The following AOX1 variants were observed in gnomAD, a reference collection of about 807,000 sequenced individuals.
The protein encoded by AOX1 is aldehyde oxidase 1, also known as aldehyde oxidase.
A neutral mutation model predicts 169.5 loss-of-function variants in AOX1; 153 were observed. The ratio of observed to expected loss-of-function variants is 0.90; its 90% CI spans 0.79 to 1.03. The LOEUF is 1.03. AOX1 is among the 50% of genes least tolerant of loss of function. AOX1 has a pLI of 0.00. For synonymous variants in AOX1, 562 were observed against 581.9 expected, an observed-to-expected ratio of 0.97 and a Z score of 0.49; for missense variants, 1,656 against 1,663.9, an observed-to-expected ratio of 1.00 and a Z score of 0.08.
rs371890542 is a variant in AOX1 at position 200,612,595 on chromosome 2, A to G, written c.1264-14A>G. On this transcript the variant is annotated splice_polypyrimidine_tract_variant and intron_variant, in intron 13 of 34. Transcript: ENST00000374700. ...TCAGTGTTTCTACATGTGCCACTTA[A>G]CTGTTTCTTTCAGTGGGAATTTGTG... is the stretch of plus-strand genomic sequence containing the variant. 6.2e-7 allele frequency: 1 copy of G among 1,611,978 alleles called. No individual in the cohort carries two copies. Among genetic ancestry groups the G allele is most frequent in the Non-Finnish European group, 8.5e-7 (1 of 1,179,272 alleles).
intron 21 of AOX1, 97 bp downstream of exon 21, chr2:200,635,012 T>C (rs1192674834): frequency 6.7e-7 from 1 of 1,486,642 alleles, no homozygotes; most frequent in Admixed American, 1.9e-5. Context: ...TTTGGGAATT[T>C]GAGGTGGGGG....
chr2:200,624,149 A>C (rs983146120), intron 19 of AOX1, among the ~76,000 whole-genome samples, 166 bp downstream of exon 19: 1 of 152,220 alleles, frequency 6.6e-6, no homozygotes, highest in Non-Finnish European at 1.5e-5. Flanking sequence ...CCCCAAGGAC[A>C]TGGCTTCTTT....
rs370670261 is a variant in AOX1 at position 200,612,719 on chromosome 2, G to A, written c.1374G>A (p.Glu458=). The change falls in exon 14 of 35, where the codon GAG becomes GAA. Residue 458 remains glutamate, a synonymous_variant. Coordinates refer to ENST00000374700, the MANE Select transcript of AOX1 (RefSeq NM_001159.4). ...FFGEGDGIIR[E]LCISYGGVGP... ...GAGAAGGGGATGGCATTATTAGAGA[G>A]TTATGCATCTCATATGGAGGCGTTG... 1.5e-4 allele frequency: 236 copies of A among 1,613,938 alleles called. No individual in the cohort carries two copies. Among genetic ancestry groups the A allele is most frequent in the Non-Finnish European group, 1.9e-4 (228 of 1,179,978 alleles).
chr2:200,604,142 A>G (rs1472712764), intron 8 of AOX1, 45 bp downstream of exon 8: 2 of 1,378,650 alleles, frequency 1.5e-6, no homozygotes, highest in East Asian at 4.6e-5. Flanking sequence ...ATTCATGGTG[A>G]AATATCAGGA....
At chr2:200,652,338 G>A (rs1372494707) in intron 26 of AOX1, among the ~76,000 whole-genome samples, 1 of 152,148 alleles carries the variant, frequency 6.6e-6, no homozygotes, top group Non-Finnish European at 1.5e-5. Context: ...TTGCCTGTTT[G>A]TGATGGCAAA....
intron 18 of AOX1, among the ~76,000 whole-genome samples, chr2:200,621,568 C>A (rs1227946487): frequency 1.3e-5 from 2 of 151,940 alleles, no homozygotes; most frequent in Admixed American, 1.3e-4. Context: ...CCCTGAGAAG[C>A]CCTTATTATT....
chr2:200,613,036 G>GAGAGAA (rs2034678600), intron 14 of AOX1, among the ~76,000 whole-genome samples: 1 of 151,568 alleles, frequency 6.6e-6, no homozygotes, highest in African/African-American at 2.4e-5. Context: ...GTGAGAGAGA[G>GAGAGAA]AGAGAGAGAC....
intron 3 of AOX1, among the ~76,000 whole-genome samples, chr2:200,595,963 T>A (rs1308064219): frequency 6.6e-6 from 1 of 152,210 alleles, no homozygotes; most frequent in Non-Finnish European, 1.5e-5. Flanking sequence ...TGTTTATGTT[T>A]GGTATTTATC....
Position 200,637,050 on chromosome 2 carries a change from T to G in AOX1, c.2480+6T>G, listed in dbSNP as rs1421876868. 1.9e-6 allele frequency: 3 copies of G among 1,613,596 alleles called. No homozygotes were observed. Among genetic ancestry groups the G allele is most frequent in the Non-Finnish European group, 2.5e-6 (3 of 1,179,812 alleles). ...ACTGCATTTGCCGCAAACAAGTAAG[T>G]GGAGAAAATCTGCTAAAAATAAAGT... On this transcript the variant is annotated splice_donor_region_variant and intron_variant, in intron 22 of 34. Transcript: ENST00000374700.
At chr2:200,662,796 T>A in intron 30 of AOX1, 59 bp from the exon 31 acceptor site, 4 of 1,357,948 alleles carry the variant, frequency 2.9e-6, no homozygotes, top group Non-Finnish European at 4.2e-6. Context: ...GTCTGTTTAG[T>A]CATCATGGTC....
chr2:200,662,453 G>C (rs1050319225), intron 30 of AOX1, among the ~76,000 whole-genome samples: 17 of 152,202 alleles, frequency 1.1e-4, no homozygotes, highest in Admixed American at 1.1e-3. Flanking sequence ...CCTTCACACA[G>C]AGGGGCAAAT....
chr2:200,642,893 C>A, intron 25 of AOX1, 92 bp downstream of exon 25: 1 of 1,268,536 alleles, frequency 7.9e-7, no homozygotes, highest in Non-Finnish European at 1.1e-6. Flanking sequence ...ATTTGAGACC[C>A]AGAGGGGCAA....
downstream of AOX1, among the ~76,000 whole-genome samples, chr2:200,682,027 T>G (rs986726176): frequency 2.0e-5 from 3 of 152,136 alleles, no homozygotes; most frequent in African/African-American, 7.2e-5. Flanking sequence ...GAAAAAACAC[T>G]ACGACTCATA....
chr2:200,603,865 C>T, intron 7 of AOX1, 152 bp from the exon 8 acceptor site: 1 of 600,256 alleles, frequency 1.7e-6, no homozygotes, highest in South Asian at 2.0e-5. Flanking sequence ...TGTGTTAGAG[C>T]CCTTGGTTTG....
chr2:200,644,907 C>G (rs953747314), intron 25 of AOX1, among the ~76,000 whole-genome samples: 4 of 152,138 alleles, frequency 2.6e-5, no homozygotes, highest in African/African-American at 9.7e-5. Context: ...TATCCGGAAA[C>G]TTTGCTGAAT....
Position 200,651,027 on chromosome 2 carries a change from G to C in AOX1, c.2901G>C (p.Glu967Asp). 1 of 1,614,224 alleles carries C rather than the reference G, an allele frequency of 6.2e-7. No individual in the cohort carries two copies. The highest frequency in any genetic ancestry group is 8.5e-7 in the Non-Finnish European group (1 of 1,180,046). Residue 967 changes from glutamate (E) to aspartate (D), a missense_variant, in exon 26 of 35, where the codon GAG becomes GAC. Physicochemically the swap from Glu to Asp is conservative, Grantham distance 45 (BLOSUM62 2). Transcript: ENST00000374700. ...KEIDQTPYKQ[E>D]INAKNLIQCW... is the part of the protein sequence containing the mutation. Reference sequence around the variant, plus strand: ...TTGATCAAACACCCTACAAACAAGAGATCAATGCCAAGAACCTAATCCAGT... The same window carrying C: ...TTGATCAAACACCCTACAAACAAGACATCAATGCCAAGAACCTAATCCAGT...
At chr2:200,677,119 T>C (rs926295930), downstream of AOX1, 4 of 355,322 alleles carry the variant, frequency 1.1e-5, no homozygotes, top group African/African-American at 8.9e-5. Flanking sequence ...TAGGTTCAGG[T>C]GACTTGTGTG....
intron 20 of AOX1, among the ~76,000 whole-genome samples, chr2:200,631,379 A>G (rs2035122531): frequency 6.6e-6 from 1 of 152,218 alleles, no homozygotes; most frequent in African/African-American, 2.4e-5. Flanking sequence ...ACAGAGAACA[A>G]TCTGTATAAA....
At chr2:200,648,675 C>T (rs2035516945) in intron 25 of AOX1, among the ~76,000 whole-genome samples, 1 of 152,156 alleles carries the variant, frequency 6.6e-6, no homozygotes, top group African/African-American at 2.4e-5. Context: ...CTTTGTCTTC[C>T]ACTACCAGAG....
Sources: gnomAD v4.1 joint callset for allele counts (sites outside exome capture counted in the v4.1 genomes callset) on GRCh38, gnomAD v4.1.1 for gene constraint, MANE v1.5 for transcripts, NCBI Gene and HGNC (gene_info 2026-07-23, HGNC 2026-07-21) for gene names.